The following BMP7 variants were observed in gnomAD, a reference collection of about 807,000 sequenced individuals.
BMP7 encodes bone morphogenetic protein 7.
BMP7 carries 12 observed loss-of-function variants against 41.2 expected under a neutral mutation model. The observed-to-expected ratio is 0.29, with a 90% CI of 0.19 to 0.47. The LOEUF is 0.47. Ranked by LOEUF, BMP7 falls within the 20% of genes least tolerant of loss-of-function variation. BMP7 has a pLI of 0.99. For synonymous variants in BMP7, 248 were observed against 250.0 expected (o/e 0.99, Z 0.07); for missense variants, 467 against 606.0 (o/e 0.77, Z 2.41).
chr20:57,172,558 T>C (rs1236769399), intron 6 of BMP7, among the ~76,000 whole-genome samples: 1 of 152,180 alleles, frequency 6.6e-6, no homozygotes, highest in East Asian at 1.9e-4. Context: ...TCAGATGATG[T>C]TCATGACAGG....
intron 3 of BMP7, among the ~76,000 whole-genome samples, chr20:57,194,794 A>G (rs1332680292): frequency 6.6e-6 from 1 of 152,236 alleles, no homozygotes; most frequent in Non-Finnish European, 1.5e-5. Flanking sequence ...AAAGTCACCT[A>G]CCGGGGACCC....
At chr20:57,246,671 G>T (rs2123136596) in intron 1 of BMP7, among the ~76,000 whole-genome samples, 1 of 152,308 alleles carries the variant, frequency 6.6e-6, no homozygotes, top group Non-Finnish European at 1.5e-5. Flanking sequence ...TGGCTGTCAT[G>T]AAAATTAAAT....
chr20:57,209,936 G>A (rs1247631490), intron 2 of BMP7, among the ~76,000 whole-genome samples: 2 of 152,184 alleles, frequency 1.3e-5, no homozygotes, highest in Non-Finnish European at 2.9e-5. Context: ...ACCTAGGTGA[G>A]GGGGCAAGCC....
At position 57,170,717 on chromosome 20, in the gene BMP7, T is replaced by A; in HGVS notation, c.*242A>T. On this transcript the variant is annotated 3_prime_UTR_variant, in exon 7 of 7. Transcript: ENST00000395863. ...CCGGCCATTTTTCTTTATGCGTTGTTTTTTTTTCCTGCTAGGTTTTGCCTG... is the reference window on the plus strand; with the variant it reads ...CCGGCCATTTTTCTTTATGCGTTGTATTTTTTTCCTGCTAGGTTTTGCCTG... 1 of 508,426 alleles carries A rather than the reference T, an allele frequency of 2.0e-6. No homozygotes were observed. Among genetic ancestry groups the A allele is most frequent in the Non-Finnish European group, 3.5e-6 (1 of 286,242 alleles). The allele number at this position is 508,426 out of a possible 1,614,324, so 31.5% of individuals were successfully genotyped here.
chr20:57,188,045 C>T (rs1984258828), intron 3 of BMP7, among the ~76,000 whole-genome samples: 1 of 152,104 alleles, frequency 6.6e-6, no homozygotes, highest in Non-Finnish European at 1.5e-5. Flanking sequence ...CTGGCAATTC[C>T]TAAAAAAAGT....
At chr20:57,195,104 C>T (rs924808300) in intron 3 of BMP7, among the ~76,000 whole-genome samples, 1 of 152,210 alleles carries the variant, frequency 6.6e-6, no homozygotes, top group Non-Finnish European at 1.5e-5. Flanking sequence ...AAACCCCAGA[C>T]GACTTGAGCA....
intron 4 of BMP7, 127 bp from the exon 5 acceptor site, chr20:57,175,134 T>C: frequency 9.6e-7 from 1 of 1,038,392 alleles, no homozygotes; most frequent in South Asian, 1.4e-5. Context: ...GGGGGTAAAT[T>C]TCCCGATTCA....
At chr20:57,178,221 G>A (rs1332982384) in intron 4 of BMP7, among the ~76,000 whole-genome samples, 2 of 152,180 alleles carry the variant, frequency 1.3e-5, no homozygotes, top group Non-Finnish European at 2.9e-5. Context: ...GGGACGAGGC[G>A]CCCTCCATGT....
In BMP7 at chr20:57,198,899, C is replaced by T. The variant is rs6099496; in HGVS notation, c.760+3576G>A. On this transcript the variant is annotated intron_variant, in intron 3 of 6. Transcript: ENST00000395863. ...CATTGTGTGCATGAGAAAAGCAAGG[C>T]CCCAGGAGGTGTCCGGGCTCCAAAT... 8.8e-3 allele frequency among the ~76,000 whole-genome samples: 1,338 copies of T among 152,300 alleles called. 19 individuals are homozygous for T. The highest frequency in any genetic ancestry group is 0.031 in the African/African-American group (1,285 of 41,550).
rs1188622451 is a variant in BMP7, at chr20:57,259,453, C to A, written c.418+6252G>T. Among the ~76,000 whole-genome samples, 1 of 152,204 alleles carries A rather than the reference C, an allele frequency of 6.6e-6. No individual in the cohort carries two copies. Among genetic ancestry groups the A allele is most frequent in the African/African-American group, 2.4e-5 (1 of 41,438 alleles). Reference sequence around the variant, plus strand: ...CCCTTTGAAATACTGTACCATGCTACCGACATCAATTAATGAAAAGCAGGG... The same window carrying A: ...CCCTTTGAAATACTGTACCATGCTAACGACATCAATTAATGAAAAGCAGGG... On this transcript the variant is annotated intron_variant, in intron 1 of 6. Coordinates refer to ENST00000395863, the MANE Select transcript of BMP7 (RefSeq NM_001719.3). This position sits in a 1 kb window ranked among gnomAD's most constrained non-coding sequence, Gnocchi z 4.7.
rs567887979 is a variant in BMP7 at position 57,205,880 on chromosome 20, T to C, written c.612-3257A>G. ...CCTTCAAGTCATAGTTTGCAATTTG[T>C]CCCAGGCACACTTAGGAGAGCCAAA... On this transcript the variant is annotated intron_variant, in intron 2 of 6. Coordinates refer to ENST00000395863, the MANE Select transcript of BMP7 (RefSeq NM_001719.3). Among the ~76,000 whole-genome samples the C allele has an allele frequency of 5.3e-5, 8 of 152,306 alleles. No homozygotes were observed. In the South Asian group the frequency reaches 1.0e-3, roughly 20 times the overall value.
At chr20:57,265,261 G>A (rs763628556) in intron 1 of BMP7, among the ~76,000 whole-genome samples, 4 of 152,158 alleles carry the variant, frequency 2.6e-5, no homozygotes, top group Non-Finnish European at 4.4e-5. Flanking sequence ...AGGGTAAGGG[G>A]GTGCGACGGC....
chr20:57,212,767 G>A (rs1600626274), intron 2 of BMP7, among the ~76,000 whole-genome samples: 1 of 152,170 alleles, frequency 6.6e-6, no homozygotes, highest in African/African-American at 2.4e-5. Flanking sequence ...GGGAAGCCCG[G>A]GAAGGAGATC....
chr20:57,183,676 G>GCTGGGTTC (rs768762358), intron 4 of BMP7, 46 bp downstream of exon 4: 2 of 1,611,212 alleles, frequency 1.2e-6, no homozygotes, highest in African/African-American at 2.7e-5. Context: ...CCGGGGCCCT[G>GCTGGGTTC]CTGGGTTCCT....
chr20:57,226,939 G>A (rs901954699), intron 2 of BMP7, among the ~76,000 whole-genome samples: 1 of 148,802 alleles, frequency 6.7e-6, no homozygotes, highest in Non-Finnish European at 1.5e-5. Flanking sequence ...CAATTCTCCT[G>A]CCTCAGCCTC....
chr20:57,191,464 G>A (rs573586271), intron 3 of BMP7, among the ~76,000 whole-genome samples: 4 of 152,212 alleles, frequency 2.6e-5, no homozygotes, highest in East Asian at 3.9e-4. Flanking sequence ...TTGGGAGGCC[G>A]AGGCAGGCAG....
intron 2 of BMP7, among the ~76,000 whole-genome samples, chr20:57,220,043 A>G (rs230210): frequency 0.66 from 100,158 of 152,052 alleles, 34,082 homozygotes; most frequent in African/African-American, 0.83. Context: ...CCTTGGTCCC[A>G]GGAGGAGAAG....
At chr20:57,199,216 C>G (rs1025636578) in intron 3 of BMP7, among the ~76,000 whole-genome samples, 1 of 152,166 alleles carries the variant, frequency 6.6e-6, no homozygotes, top group Admixed American at 6.5e-5. Context: ...TGCTGCCCTT[C>G]CCCGTGCAGG....
At chr20:57,208,442 T>C (rs1984793750) in intron 2 of BMP7, among the ~76,000 whole-genome samples, 1 of 152,146 alleles carries the variant, frequency 6.6e-6, no homozygotes, top group Admixed American at 6.5e-5. Flanking sequence ...TGATAACTAG[T>C]GTTACTGGCA....
Sources: allele counts gnomAD v4.1 joint callset (sites outside exome capture counted in the v4.1 genomes callset), GRCh38; gene constraint gnomAD v4.1.1; non-coding constraint Gnocchi (gnomAD v3.1); transcripts MANE v1.5; gene names NCBI Gene and HGNC (gene_info 2026-07-23, HGNC 2026-07-21).